BICDL1: variants seen among roughly 807,000 people sequenced by gnomAD.
The protein encoded by BICDL1 is BICD family like cargo adaptor 1.
Under a neutral mutation model 76.8 loss-of-function variants are expected in BICDL1, and 20 were observed. The ratio of observed to expected loss-of-function variants is 0.26; its 90% CI spans 0.18 to 0.38. The LOEUF (loss-of-function observed/expected upper bound fraction) is 0.38, where lower values mean the gene tolerates loss of function less well. BICDL1 is among the 10% of genes least tolerant of loss of function. BICDL1 has a pLI of 1.00. For synonymous variants in BICDL1, 383 were observed against 337.1 expected, an observed-to-expected ratio of 1.14 and a Z score of -1.49; for missense variants, 700 against 798.6, an observed-to-expected ratio of 0.88 and a Z score of 1.49.
chr12:120,065,620 A>G (rs1301585255), intron 4 of BICDL1, among the ~76,000 whole-genome samples: 1 of 152,192 alleles, frequency 6.6e-6, no homozygotes, highest in Non-Finnish European at 1.5e-5. Flanking sequence ...TTGGGGTCAG[A>G]AACTAGGAGT....
chr12:120,092,833 G>A, intron 9 of BICDL1, 167 bp from the exon 10 acceptor site: 1 of 985,450 alleles, frequency 1.0e-6, no homozygotes, highest in Non-Finnish European at 1.2e-6. Flanking sequence ...TGCGCCTGGT[G>A]TCTTGCCCAC....
intron 1 of BICDL1, among the ~76,000 whole-genome samples, chr12:119,996,073 C>A (rs1951639028): frequency 6.6e-6 from 1 of 152,070 alleles, no homozygotes; most frequent in Non-Finnish European, 1.5e-5. Flanking sequence ...TGAGAAGGCC[C>A]TCCCTTGTCA....
chr12:120,089,845 G>C (rs1248437925), intron 8 of BICDL1, 106 bp from the exon 9 acceptor site: 29 of 1,368,456 alleles, frequency 2.1e-5, no homozygotes, highest in Non-Finnish European at 2.8e-5. Context: ...TGTGAGTTCA[G>C]GGTCAGAGCC....
At chr12:120,058,710 C>T (rs1443125013) in intron 2 of BICDL1, among the ~76,000 whole-genome samples, 1 of 151,450 alleles carries the variant, frequency 6.6e-6, no homozygotes. Flanking sequence ...CCTGCCTCAG[C>T]CTCCCGAGTG....
At chr12:119,993,439 A>G (rs1160185711) in intron 1 of BICDL1, 1 of 152,172 alleles carries the variant, frequency 6.6e-6, no homozygotes, top group Non-Finnish European at 1.5e-5. Context: ...CATACTATTA[A>G]TATTTAAAGT....
In BICDL1 at chr12:120,032,205, G is replaced by A. The variant is rs1406934924; in HGVS notation, c.646-29505G>A. Among the ~76,000 whole-genome samples, 3 of 152,194 alleles carry A rather than the reference G, an allele frequency of 2.0e-5. No individual in the cohort carries two copies. In the East Asian group the frequency reaches 5.8e-4, roughly 29 times the overall value. ...CTCAGAAGTCAGGAAGAATCTTTTT[G>A]AGAAAATGAGTCCAGAATAAGTTGG... On this transcript the variant is annotated intron_variant, in intron 2 of 9. Transcript: ENST00000548673.
chr12:120,056,950 G>A (rs528229181), intron 2 of BICDL1: 2 of 416,208 alleles, frequency 4.8e-6, no homozygotes, highest in East Asian at 1.3e-4. Flanking sequence ...ACAGAGCAGA[G>A]GGGAGGCTGG....
At chr12:120,074,872 G>A (rs752608602) in intron 7 of BICDL1, among the ~76,000 whole-genome samples, 1 of 152,216 alleles carries the variant, frequency 6.6e-6, no homozygotes, top group Non-Finnish European at 1.5e-5. Context: ...ACTGGTAGAT[G>A]CTGACAGCCC....
At chr12:120,040,203 A>G (rs1952610063) in intron 2 of BICDL1, among the ~76,000 whole-genome samples, 1 of 151,932 alleles carries the variant, frequency 6.6e-6, no homozygotes, top group Non-Finnish European at 1.5e-5. Context: ...CCTGGGTTCA[A>G]GCCATTCTCC....
At chr12:120,072,878 A>G (rs1873217003) in intron 6 of BICDL1, 149 bp downstream of exon 6, 5 of 755,980 alleles carry the variant, frequency 6.6e-6, no homozygotes, top group Admixed American at 2.7e-5. Flanking sequence ...GTTGTTTTGG[A>G]TTTTGTTTTT....
intron 2 of BICDL1, among the ~76,000 whole-genome samples, chr12:120,014,083 A>G (rs1324373383): frequency 6.6e-6 from 1 of 152,236 alleles, no homozygotes; most frequent in Non-Finnish European, 1.5e-5. Context: ...GTGTGTTATA[A>G]AAAATCTTTG....
intron 2 of BICDL1, among the ~76,000 whole-genome samples, chr12:120,013,313 C>T (rs1192321548): frequency 7.8e-6 from 1 of 128,264 alleles, no homozygotes; most frequent in Non-Finnish European, 1.7e-5. Context: ...GACTCCATCT[C>T]AAAAAAAAAA....
At chr12:120,061,255 A>G (rs928299972) in intron 2 of BICDL1, among the ~76,000 whole-genome samples, 1 of 152,240 alleles carries the variant, frequency 6.6e-6, no homozygotes, top group Non-Finnish European at 1.5e-5. Context: ...GTCCATGTTA[A>G]GTAGAGGAGA....
intron 2 of BICDL1, among the ~76,000 whole-genome samples, chr12:120,030,174 G>A (rs1397918455): frequency 6.6e-6 from 1 of 152,104 alleles, no homozygotes; most frequent in Non-Finnish European, 1.5e-5. Flanking sequence ...ACTTAAAATT[G>A]TCTCTAAGCA....
chr12:120,070,028 C>T (rs536434163), intron 4 of BICDL1, among the ~76,000 whole-genome samples: 9 of 152,090 alleles, frequency 5.9e-5, no homozygotes, highest in Non-Finnish European at 1.3e-4. Context: ...GTGAACATAC[C>T]GCAATTCACT....
At chr12:120,045,171 C>T (rs1952720991) in intron 2 of BICDL1, among the ~76,000 whole-genome samples, 1 of 152,256 alleles carries the variant, frequency 6.6e-6, no homozygotes, top group East Asian at 1.9e-4. Flanking sequence ...TGAAAAAATG[C>T]TCACCATCAC....
intron 2 of BICDL1, among the ~76,000 whole-genome samples, chr12:120,050,266 T>C (rs78503159): frequency 1.3e-5 from 2 of 150,980 alleles, no homozygotes; most frequent in African/African-American, 4.9e-5. Context: ...TTTTTTTTTT[T>C]CTTTTTTTTT....
intron 2 of BICDL1, among the ~76,000 whole-genome samples, chr12:120,046,162 T>C (rs1345108642): frequency 6.6e-6 from 1 of 152,158 alleles, no homozygotes; most frequent in Non-Finnish European, 1.5e-5. Context: ...TAACTACCAT[T>C]CATGGATGAA....
intron 2 of BICDL1, among the ~76,000 whole-genome samples, chr12:120,007,675 C>T (rs1046481269): frequency 2.6e-5 from 4 of 152,210 alleles, no homozygotes; most frequent in African/African-American, 9.6e-5. Context: ...ACTAATTTTC[C>T]TCTGAAAGGT....
Sources: allele counts gnomAD v4.1 joint callset (sites outside exome capture counted in the v4.1 genomes callset), GRCh38; gene constraint gnomAD v4.1.1; transcripts MANE v1.5; gene names NCBI Gene and HGNC (gene_info 2026-07-23, HGNC 2026-07-21).